Variants in RGS6 observed in about 807,000 individuals in gnomAD.
RGS6 encodes regulator of G protein signaling 6, also known as regulator of G-protein signaling 6.
In RGS6, 30 loss-of-function variants were observed where a neutral mutation model predicts 78.5. The observed-to-expected ratio is 0.38, with a 90% CI of 0.29 to 0.52. The LOEUF is 0.52. Ranked by LOEUF, RGS6 falls within the 20% of genes least tolerant of loss-of-function variation. The pLI, the probability that RGS6 is intolerant of heterozygous loss-of-function variation, is 0.85. For synonymous variants in RGS6, 206 were observed against 206.0 expected (o/e 1.00, Z 0.00); for missense variants, 495 against 609.7 (o/e 0.81, Z 1.98).
At chr14:72,573,304 T>C in the RGS6 span, among the ~76,000 whole-genome samples, 2 of 152,202 alleles carry the variant, frequency 1.3e-5, no homozygotes, top group Non-Finnish European at 2.9e-5. Flanking sequence ...ACTTGAGCTC[T>C]AAGAAGAAAC....
the RGS6 span, among the ~76,000 whole-genome samples, chr14:72,572,534 G>C: frequency 6.6e-6 from 1 of 152,182 alleles, no homozygotes. Context: ...CTAAGTGAAA[G>C]AAGCCAGTCA....
chr14:72,168,226 T>G (rs561582142), intron 2 of RGS6, among the ~76,000 whole-genome samples: 11 of 152,200 alleles, frequency 7.2e-5, no homozygotes, highest in African/African-American at 2.6e-4. Context: ...TGGTGCACAC[T>G]CAGGTGACCC....
At chr14:72,311,497 A>T (rs1049351656) in intron 2 of RGS6, among the ~76,000 whole-genome samples, 5 of 152,308 alleles carry the variant, frequency 3.3e-5, no homozygotes, top group East Asian at 3.9e-4. Context: ...TAAAAAAAAA[A>T]AATAATAGGG....
intron 1 of RGS6, among the ~76,000 whole-genome samples, chr14:71,958,120 G>A (rs574810783): frequency 8.3e-4 from 126 of 152,172 alleles, no homozygotes; most frequent in African/African-American, 2.7e-3. Context: ...AAGTCTTAAG[G>A]TAGGATTGGA....
intron 2 of RGS6, among the ~76,000 whole-genome samples, chr14:72,198,086 C>T (rs1456308546): frequency 3.9e-5 from 6 of 152,016 alleles, no homozygotes; most frequent in African/African-American, 1.2e-4. Flanking sequence ...CTTGGCTGGG[C>T]GCAGCGGCTC....
intron 2 of RGS6, among the ~76,000 whole-genome samples, chr14:72,024,106 A>G (rs549528165): frequency 3.8e-5 from 1 of 26,044 alleles, no homozygotes; most frequent in East Asian, 2.6e-3. Context: ...TGTTGAATGA[A>G]TGAAAAATAA....
intron 3 of RGS6, among the ~76,000 whole-genome samples, chr14:72,362,039 C>A (rs1363966004): frequency 6.6e-6 from 1 of 152,066 alleles, no homozygotes; most frequent in Non-Finnish European, 1.5e-5. Context: ...ATCATGAGTC[C>A]AAGAGGGCAA....
At chr14:72,343,694 GC>G (rs1245547616) in intron 2 of RGS6, among the ~76,000 whole-genome samples, 1 of 152,132 alleles carries the variant, frequency 6.6e-6, no homozygotes, top group African/African-American at 2.4e-5. Flanking sequence ...CCTGGCAGCT[GC>G]CCTGGCCAGC....
intron 3 of RGS6, chr14:72,420,935 C>T (rs946289807): frequency 5.9e-5 from 9 of 152,176 alleles, no homozygotes; most frequent in Non-Finnish European, 1.0e-4. Flanking sequence ...AGCAACGGCG[C>T]CCCTTCGTGG....
At chr14:72,367,619 A>G (rs1017060047) in intron 3 of RGS6, among the ~76,000 whole-genome samples, 7 of 152,366 alleles carry the variant, frequency 4.6e-5, no homozygotes, top group African/African-American at 1.7e-4. Context: ...TCCAAGGTAT[A>G]TACATGCATT....
At chr14:72,590,568 C>G in the RGS6 span, among the ~76,000 whole-genome samples, 1 of 152,108 alleles carries the variant, frequency 6.6e-6, no homozygotes, top group African/African-American at 2.4e-5. Context: ...CTGGAACAGA[C>G]AAAAATAGTA....
intron 7 of RGS6, 109 bp from the exon 8 acceptor site, chr14:72,469,898 A>C (rs1165967198): frequency 4.0e-6 from 3 of 746,618 alleles, no homozygotes; most frequent in Non-Finnish European, 4.7e-6. Context: ...AGGTCTTGCT[A>C]TTTTGTTGGA....
intron 2 of RGS6, among the ~76,000 whole-genome samples, chr14:72,043,115 ATTAGTTTTTACTCT>A (rs1217452202): frequency 1.3e-5 from 2 of 151,980 alleles, no homozygotes; most frequent in Non-Finnish European, 2.9e-5. Context: ...GTCCCTTTCA[ATTAGTTTTTACTCT>A]TTATTTATTA....
At chr14:72,510,590 A>G (rs1362251214) in intron 14 of RGS6, among the ~76,000 whole-genome samples, 1 of 152,236 alleles carries the variant, frequency 6.6e-6, no homozygotes, top group Non-Finnish European at 1.5e-5. Context: ...GTACAGCCAT[A>G]GAACCAGGGA....
Position 72,198,994 on chromosome 14 carries a change from C to A in RGS6, c.85-153101C>A, listed in dbSNP as rs375436769. On this transcript the variant is annotated intron_variant, in intron 2 of 17. Coordinates refer to ENST00000553525, the MANE Select transcript of RGS6 (RefSeq NM_001204424.2). ...GTGTTTATTAGCAATGGTTCTCTGA[C>A]TGGGGTGTCCAAATGCATTCTAAGG... Among the ~76,000 whole-genome samples the A allele has an allele frequency of 8.5e-5, 13 of 152,300 alleles. 1 individual carries two copies. Among genetic ancestry groups the A allele is most frequent in the African/African-American group, 3.1e-4 (13 of 41,580 alleles).
chr14:72,283,945 G>A (rs540064368), intron 2 of RGS6, among the ~76,000 whole-genome samples: 3 of 152,332 alleles, frequency 2.0e-5, no homozygotes, highest in South Asian at 4.1e-4. Context: ...AGATGGAGAT[G>A]AGGAACTTGT....
chr14:72,341,705 C>T (rs2077037286), intron 2 of RGS6, among the ~76,000 whole-genome samples: 1 of 152,164 alleles, frequency 6.6e-6, no homozygotes. Flanking sequence ...GGGAATTTGG[C>T]ATTTATTTTG....
chr14:72,139,306 T>C (rs960553842), intron 2 of RGS6, among the ~76,000 whole-genome samples: 1 of 152,224 alleles, frequency 6.6e-6, no homozygotes, highest in Non-Finnish European at 1.5e-5. Flanking sequence ...TCTCCATTCT[T>C]GAATAGTCTT....
intron 16 of RGS6, among the ~76,000 whole-genome samples, chr14:72,539,671 C>A (rs1225490633): frequency 6.6e-6 from 1 of 152,182 alleles, no homozygotes; most frequent in Admixed American, 6.5e-5. Context: ...AGGGCTCCTG[C>A]CTGTGGGCAC....
Sources: allele counts gnomAD v4.1 joint callset (sites outside exome capture counted in the v4.1 genomes callset), GRCh38; gene constraint gnomAD v4.1.1; transcripts MANE v1.5; gene names NCBI Gene and HGNC (gene_info 2026-07-23, HGNC 2026-07-21).